Variants in SLC16A14 observed in about 807,000 individuals in gnomAD.
The protein encoded by SLC16A14 is monocarboxylate transporter 14.
Under a neutral mutation model 35.8 loss-of-function variants are expected in SLC16A14, and 14 were observed. The ratio of observed to expected loss-of-function variants is 0.39; its 90% CI spans 0.26 to 0.61. SLC16A14 has a LOEUF of 0.61. Ranked by LOEUF, SLC16A14 falls within the 20% of genes least tolerant of loss-of-function variation. The pLI, the probability that SLC16A14 is intolerant of heterozygous loss-of-function variation, is 0.51. For missense variants in SLC16A14, 533 were observed against 655.0 expected, an observed-to-expected ratio of 0.81 and a Z score of 2.03; for synonymous variants, 248 against 258.9, an observed-to-expected ratio of 0.96 and a Z score of 0.40.
At chr2:230,063,116 G>A (rs940991205) in intron 1 of SLC16A14, among the ~76,000 whole-genome samples, 1 of 151,818 alleles carries the variant, frequency 6.6e-6, no homozygotes, top group East Asian at 1.9e-4. Flanking sequence ...GGTAAACCCC[G>A]TCTCTACTAA....
intron 2 of SLC16A14, 146 bp from the exon 3 acceptor site, chr2:230,050,050 T>C (rs6748654): frequency 0.91 from 785,319 of 864,130 alleles, 358,830 homozygotes; most frequent in East Asian, 0.99. Flanking sequence ...ATGCCAAACA[T>C]TTTTAGCATG....
chr2:230,050,466 A>C (rs2077650914), intron 2 of SLC16A14, among the ~76,000 whole-genome samples: 1 of 152,332 alleles, frequency 6.6e-6, no homozygotes, highest in African/African-American at 2.4e-5. Context: ...AAGACATTTC[A>C]GTTTTTGACT....
intron 1 of SLC16A14, among the ~76,000 whole-genome samples, chr2:230,059,923 C>A (rs2077737784): frequency 6.6e-6 from 1 of 152,166 alleles, no homozygotes; most frequent in Non-Finnish European, 1.5e-5. Flanking sequence ...ACTAACCCAG[C>A]TCAGGAGAGA....
At chr2:230,061,142 T>C (rs562952161) in intron 1 of SLC16A14, among the ~76,000 whole-genome samples, 171 of 152,312 alleles carry the variant, frequency 1.1e-3, no homozygotes, top group African/African-American at 3.8e-3. Flanking sequence ...GAGCTTGCAA[T>C]AAGCTGGAGG....
chr2:230,037,558 G>T, intron 4 of SLC16A14, 27 bp from the exon 5 acceptor site: 1 of 1,541,886 alleles, frequency 6.5e-7, no homozygotes, highest in Non-Finnish European at 8.7e-7. Flanking sequence ...AATATATTCA[G>T]TGTCATGGAG....
intron 2 of SLC16A14, among the ~76,000 whole-genome samples, chr2:230,050,698 C>T (rs1247800988): frequency 6.6e-6 from 1 of 152,134 alleles, no homozygotes; most frequent in East Asian, 1.9e-4. Flanking sequence ...CATACTTAAG[C>T]TTATATGTTT....
chr2:230,053,881 G>A (rs2077682149), intron 2 of SLC16A14, among the ~76,000 whole-genome samples: 1 of 152,152 alleles, frequency 6.6e-6, no homozygotes, highest in East Asian at 1.9e-4. Flanking sequence ...GCTGGTAGAG[G>A]AGCAATCACA....
chr2:230,049,491 A>G (rs1293270695), intron 3 of SLC16A14, among the ~76,000 whole-genome samples: 3 of 152,166 alleles, frequency 2.0e-5, no homozygotes, highest in Non-Finnish European at 4.4e-5. Context: ...TGGAGATAGC[A>G]TTGGCATTTA....
intron 1 of SLC16A14, among the ~76,000 whole-genome samples, chr2:230,061,577 C>T (rs2077752353): frequency 6.6e-6 from 1 of 152,162 alleles, no homozygotes; most frequent in Non-Finnish European, 1.5e-5. Context: ...AGAAAAAGAA[C>T]CAGATCTCAA....
Position 230,046,320 on chromosome 2 carries a change from T to A in SLC16A14, c.806A>T (p.Asp269Val). ...CATGTTCTTCCTGTGCCCGGCCTGA[T>A]CGGGGCACTCCTGGGCTTGCAGGTC... is the stretch of plus-strand genomic sequence containing the variant. Reference protein sequence around the residue: ...LCDLQAQECPDQAGHRKNMCA... With the variant: ...LCDLQAQECPVQAGHRKNMCA... Residue 269 changes from aspartate to valine, a missense_variant, in exon 4 of 5, where the codon GAT becomes GTT. Physicochemically the swap from Asp to Val is radical, Grantham distance 152 (BLOSUM62 -3). Transcript: ENST00000295190. The surrounding 1 kb of genome is among the most constrained non-coding windows in gnomAD (Gnocchi z 5.0). 6.2e-7 allele frequency: 1 copy of A among 1,614,164 alleles called. No individual in the cohort carries two copies. Among genetic ancestry groups the A allele is most frequent in the East Asian group, 2.2e-5 (1 of 44,876 alleles).
chr2:230,039,072 G>A (rs2077539734), intron 4 of SLC16A14, among the ~76,000 whole-genome samples: 1 of 151,684 alleles, frequency 6.6e-6, no homozygotes, highest in African/African-American at 2.4e-5. Flanking sequence ...CAGGAAAGGT[G>A]TAAACCAGTC....
At chr2:230,040,965 C>A (rs2077556264) in intron 4 of SLC16A14, among the ~76,000 whole-genome samples, 1 of 152,146 alleles carries the variant, frequency 6.6e-6, no homozygotes, top group South Asian at 2.1e-4. Context: ...CCTTCACCAC[C>A]CCTCCTGCAG....
At chr2:230,057,290 A>G (rs1008940010) in intron 2 of SLC16A14, among the ~76,000 whole-genome samples, 13 of 152,328 alleles carry the variant, frequency 8.5e-5, no homozygotes, top group Non-Finnish European at 1.5e-4. Context: ...TCATTTTCAA[A>G]CTGAAACACA....
intron 3 of SLC16A14, among the ~76,000 whole-genome samples, chr2:230,048,564 C>A (rs1217853178): frequency 1.3e-5 from 2 of 152,164 alleles, no homozygotes; most frequent in African/African-American, 4.8e-5. Context: ...TCTAGATTTG[C>A]TTCTTCGTCT....
chr2:230,041,429 C>T (rs938798666), intron 4 of SLC16A14, among the ~76,000 whole-genome samples: 1 of 152,082 alleles, frequency 6.6e-6, no homozygotes, highest in Admixed American at 6.6e-5. Flanking sequence ...CTCACTGTAA[C>T]CTCCGTCTCC....
chr2:230,037,606 T>A, intron 4 of SLC16A14, 75 bp from the exon 5 acceptor site: 1 of 1,224,632 alleles, frequency 8.2e-7, no homozygotes, highest in Non-Finnish European at 1.1e-6. Context: ...AGCAGGCATT[T>A]ATTGCTGCTG....
Position 230,066,361 on chromosome 2 carries a change from C to G in SLC16A14, c.-15+2194G>C, listed in dbSNP as rs986346567. ...AGCAAGCTTGCTATTGGAAGCTTGA[C>G]AAAAAATATTAGGGCTTCGTTATGA... On this transcript the variant is annotated intron_variant, in intron 1 of 4. Coordinates refer to ENST00000295190, the MANE Select transcript of SLC16A14 (RefSeq NM_152527.5). Among the ~76,000 whole-genome samples the G allele has an allele frequency of 5.9e-5, 9 of 151,400 alleles. No individual in the cohort carries two copies. In the East Asian group the frequency reaches 1.6e-3, roughly 26 times the overall value.
chr2:230,046,810 T>G lies in SLC16A14; in HGVS notation c.404-88A>C. The G allele has an allele frequency of 1.4e-6, 2 of 1,390,180 alleles. No individual in the cohort carries two copies. The highest frequency in any genetic ancestry group is 1.4e-5 in the South Asian group (1 of 70,630). 86.1% of individuals were successfully genotyped at this position (1,390,180 alleles called of 1,614,324 possible). A position where few individuals can be genotyped will look rare whatever the true frequency, so the allele number is the denominator to read the frequency against. On this transcript the variant is annotated intron_variant, in intron 3 of 4. Coordinates refer to ENST00000295190, the MANE Select transcript of SLC16A14 (RefSeq NM_152527.5). This position sits in a 1 kb window ranked among gnomAD's most constrained non-coding sequence, Gnocchi z 5.0. ...CGCAGCAAAGATCACCTGCATTTCC[T>G]TAATTAGCATCTATTTATGCTTTTT...
In SLC16A14 at chr2:230,066,236, G is replaced by A. The variant is rs534791616; in HGVS notation, c.-15+2319C>T. On this transcript the variant is annotated intron_variant, in intron 1 of 4. Transcript: ENST00000295190. ...GCAGAATTGCTTGAACCTGGGAGAT[G>A]GAGGTTGCAGTGAGCTGAGATGGTG... 3.9e-5 allele frequency among the ~76,000 whole-genome samples: 6 copies of A among 152,174 alleles called. No homozygotes were observed. In the South Asian group the frequency reaches 6.2e-4, roughly 16 times the overall value.
Sources: gnomAD v4.1 joint callset for allele counts (sites outside exome capture counted in the v4.1 genomes callset) on GRCh38, gnomAD v4.1.1 for gene constraint, Gnocchi (gnomAD v3.1) non-coding constraint, MANE v1.5 for transcripts, NCBI Gene and HGNC (gene_info 2026-07-23, HGNC 2026-07-21) for gene names.